Variants in ARHGAP15 observed in about 807,000 individuals in gnomAD.
The protein encoded by ARHGAP15 is Rho GTPase activating protein 15.
A neutral mutation model predicts 63.7 loss-of-function variants in ARHGAP15; 51 were observed. The observed-to-expected ratio is 0.80, with a 90% CI of 0.64 to 1.01. The LOEUF is 1.01. ARHGAP15 is among the 50% of genes least tolerant of loss of function. The probability of loss-of-function intolerance (pLI) is 0.00; values close to 1 mark genes in which losing one functional copy is unlikely to be tolerated. For missense variants in ARHGAP15, 560 were observed against 564.6 expected (o/e 0.99, Z 0.08); for synonymous variants, 191 against 193.8 (o/e 0.99, Z 0.12).
intron 9 of ARHGAP15, among the ~76,000 whole-genome samples, chr2:143,502,038 G>C (rs1443607488): frequency 6.6e-6 from 1 of 152,202 alleles, no homozygotes; most frequent in Non-Finnish European, 1.5e-5. Flanking sequence ...ACAGAAGGTA[G>C]AAAGTAAACA....
chr2:143,624,344 T>C, intron 12 of ARHGAP15, 77 bp downstream of exon 12: 1 of 1,441,538 alleles, frequency 6.9e-7, no homozygotes. Context: ...ATAAGAATGA[T>C]TATAATAATA....
At chr2:143,242,238 A>G (rs916892298) in intron 5 of ARHGAP15, among the ~76,000 whole-genome samples, 3 of 152,198 alleles carry the variant, frequency 2.0e-5, no homozygotes, top group Non-Finnish European at 2.9e-5. Flanking sequence ...AAAGTCTGGT[A>G]TTCCAAGAAG....
chr2:143,282,295 T>C (rs1681888508), intron 6 of ARHGAP15, among the ~76,000 whole-genome samples: 1 of 152,034 alleles, frequency 6.6e-6, no homozygotes, highest in South Asian at 2.1e-4. Context: ...AACATCATTA[T>C]TGGTGTATTA....
intron 6 of ARHGAP15, among the ~76,000 whole-genome samples, chr2:143,403,202 AT>A (rs1242606237): frequency 6.6e-6 from 1 of 151,578 alleles, no homozygotes; most frequent in East Asian, 1.9e-4. Flanking sequence ...ATTATTTTTT[AT>A]TTTTTTTCTT....
chr2:143,333,596 C>G (rs1684643377), intron 6 of ARHGAP15, among the ~76,000 whole-genome samples: 1 of 152,158 alleles, frequency 6.6e-6, no homozygotes. Context: ...AGTAAATATA[C>G]TGTAGCTCAA....
intron 6 of ARHGAP15, among the ~76,000 whole-genome samples, chr2:143,414,424 A>G (rs1688591236): frequency 6.6e-6 from 1 of 152,134 alleles, no homozygotes; most frequent in African/African-American, 2.4e-5. Flanking sequence ...AACTCCATTA[A>G]TAACTCAGAA....
chr2:143,143,563 C>CTTTTTTTTTTT (rs753991992), intron 1 of ARHGAP15, among the ~76,000 whole-genome samples: 1 of 114,388 alleles, frequency 8.7e-6, no homozygotes. Context: ...GAGCTATTTT[C>CTTTTTTTTTTT]TTTCTTTTTT....
At chr2:143,264,914 T>C (rs1399975841) in intron 6 of ARHGAP15, among the ~76,000 whole-genome samples, 2 of 152,154 alleles carry the variant, frequency 1.3e-5, no homozygotes, top group Non-Finnish European at 2.9e-5. Flanking sequence ...GTAGAGAACA[T>C]GCAGGTGGTG....
chr2:143,341,185 C>T (rs1685043528), intron 6 of ARHGAP15, among the ~76,000 whole-genome samples: 1 of 152,062 alleles, frequency 6.6e-6, no homozygotes, highest in African/African-American at 2.4e-5. Context: ...TCCGGCATCC[C>T]TTCTTTTGGA....
At chr2:143,678,382 G>T (rs1682930490) in intron 12 of ARHGAP15, among the ~76,000 whole-genome samples, 2 of 152,236 alleles carry the variant, frequency 1.3e-5, no homozygotes, top group South Asian at 2.1e-4. Context: ...AAATTTTCTT[G>T]TCAATAAAAA....
intron 4 of ARHGAP15, among the ~76,000 whole-genome samples, chr2:143,224,768 C>A (rs538974429): frequency 1.3e-5 from 2 of 152,082 alleles, no homozygotes; most frequent in Non-Finnish European, 2.9e-5. Flanking sequence ...CAATGCCTTA[C>A]GAGAGAGTCA....
chr2:143,183,384 T>C (rs1351664963), intron 2 of ARHGAP15, among the ~76,000 whole-genome samples: 1 of 152,224 alleles, frequency 6.6e-6, no homozygotes, highest in Non-Finnish European at 1.5e-5. Flanking sequence ...GTTGAAATTA[T>C]AGAGACTTAA....
chr2:143,732,674 G>T (rs1341178552), intron 13 of ARHGAP15, among the ~76,000 whole-genome samples: 1 of 151,186 alleles, frequency 6.6e-6, no homozygotes, highest in Non-Finnish European at 1.5e-5. Flanking sequence ...AATCAGAAGT[G>T]TTTAAAGGCC....
chr2:143,416,223 C>T (rs1688672896), intron 6 of ARHGAP15, among the ~76,000 whole-genome samples: 1 of 150,970 alleles, frequency 6.6e-6, no homozygotes, highest in South Asian at 2.1e-4. Context: ...GCACATCCTT[C>T]ACATGTACCC....
intron 6 of ARHGAP15, among the ~76,000 whole-genome samples, chr2:143,400,025 T>C (rs1293038701): frequency 2.0e-5 from 3 of 152,082 alleles, no homozygotes; most frequent in Non-Finnish European, 4.4e-5. Flanking sequence ...CAAGTCTAGT[T>C]CATATCACTA....
Position 143,767,850 on chromosome 2 carries a change from A to G in ARHGAP15, c.1245-139A>G, listed in dbSNP as rs2072972350. On this transcript the variant is annotated intron_variant, in intron 13 of 13. Coordinates refer to ENST00000295095, the MANE Select transcript of ARHGAP15 (RefSeq NM_018460.4). Reference sequence around the variant, plus strand: ...CATAGGTTCTACTTCCATACAGTAAAGTATGTAGGGTAGAAGATTAAATAA... The same window carrying G: ...CATAGGTTCTACTTCCATACAGTAAGGTATGTAGGGTAGAAGATTAAATAA... 11 of 818,802 alleles carry G rather than the reference A, an allele frequency of 1.3e-5. No individual in the cohort carries two copies. In the South Asian group the frequency reaches 2.1e-4, roughly 16 times the overall value. The allele number at this position is 818,802 out of a possible 1,614,324, so 50.7% of individuals were successfully genotyped here. A position where few individuals can be genotyped will look rare whatever the true frequency, so the allele number is the denominator to read the frequency against.
chr2:143,477,471 CATATGT>C (rs1363124663), intron 8 of ARHGAP15, among the ~76,000 whole-genome samples: 1 of 151,938 alleles, frequency 6.6e-6, no homozygotes, highest in Non-Finnish European at 1.5e-5. Flanking sequence ...CTGTTAACTA[CATATGT>C]ATTATACATT....
intron 10 of ARHGAP15, among the ~76,000 whole-genome samples, chr2:143,528,226 A>G (rs1272354399): frequency 6.6e-6 from 1 of 152,058 alleles, no homozygotes; most frequent in Admixed American, 6.6e-5. Flanking sequence ...ATGACTTGTA[A>G]TTGACATGCC....
At chr2:143,323,715 C>G (rs972281107) in intron 6 of ARHGAP15, among the ~76,000 whole-genome samples, 1 of 151,458 alleles carries the variant, frequency 6.6e-6, no homozygotes, top group African/African-American at 2.4e-5. Context: ...GAAACCCTGT[C>G]TCTACTAAAA....
Sources: allele counts gnomAD v4.1 joint callset (sites outside exome capture counted in the v4.1 genomes callset), GRCh38; gene constraint gnomAD v4.1.1; transcripts MANE v1.5; gene names NCBI Gene and HGNC (gene_info 2026-07-23, HGNC 2026-07-21).